Variants in MCF2 observed in about 807,000 individuals in gnomAD.
MCF2 encodes the protein MCF.2 cell line derived transforming sequence.
A neutral mutation model predicts 82.5 loss-of-function variants in MCF2; 44 were observed. That is an observed-to-expected ratio of 0.53 (90% CI 0.42 to 0.69). MCF2 has a LOEUF of 0.69. Ranked by LOEUF, MCF2 falls within the 30% of genes least tolerant of loss-of-function variation. MCF2 has a pLI of 0.00. For missense variants in MCF2, 623 were observed against 663.1 expected (o/e 0.94, Z 0.66); for synonymous variants, 217 against 224.9 (o/e 0.96, Z 0.32).
chrX:139,639,996 T>C (rs1368054794), intron 1 of MCF2, among the ~76,000 whole-genome samples: 1 of 111,065 alleles, frequency 9.0e-6, no homozygotes, highest in African/African-American at 3.3e-5. Flanking sequence ...TGGATATTAT[T>C]CCCTTTTTAC....
At chrX:139,702,418 C>T (rs1353026795) in intron 1 of MCF2, 1 of 111,553 alleles carries the variant, frequency 9.0e-6, no homozygotes, top group African/African-American at 3.3e-5. Context: ...ACTATTGTGT[C>T]CCCATCACCT....
exon 17 of MCF2, chrX:139,598,444 G>A: frequency 1.7e-6 from 2 of 1,168,320 alleles, no homozygotes; most frequent in Non-Finnish European, 2.3e-6. Flanking sequence ...CGTTGCACTG[G>A]TTTGAGTAAA....
At chrX:139,705,839 A>G (rs1226190690) in intron 1 of MCF2, among the ~76,000 whole-genome samples, 1 of 112,517 alleles carries the variant, frequency 8.9e-6, no homozygotes, top group Admixed American at 9.4e-5. Context: ...AATACTCAGA[A>G]TCTATAGGGA....
intron 15 of MCF2, among the ~76,000 whole-genome samples, chrX:139,603,744 A>G (rs1930750896): frequency 9.0e-6 from 1 of 111,360 alleles, no homozygotes; most frequent in South Asian, 3.8e-4. Context: ...CTGAGGCAGG[A>G]GAATGGTGTG....
chrX:139,662,923 C>A (rs1024091649), intron 1 of MCF2, among the ~76,000 whole-genome samples: 19 of 111,733 alleles, frequency 1.7e-4, no homozygotes, highest in African/African-American at 6.2e-4. Flanking sequence ...TGGTTTATTT[C>A]ACTTAAAATA....
At chrX:139,676,434 C>T (rs889811908) in intron 1 of MCF2, among the ~76,000 whole-genome samples, 5 of 111,676 alleles carry the variant, frequency 4.5e-5, no homozygotes, top group African/African-American at 1.3e-4. Context: ...AGACTGGAGC[C>T]GTTCCTATTT....
intron 4 of MCF2, among the ~76,000 whole-genome samples, chrX:139,627,593 G>T (rs1367827444): frequency 9.0e-6 from 1 of 111,679 alleles, no homozygotes; most frequent in Non-Finnish European, 1.9e-5. Context: ...CATTTATTCT[G>T]AGGACAGATT....
intron 6 of MCF2, among the ~76,000 whole-genome samples, chrX:139,625,164 A>G (rs1406967328): frequency 9.0e-6 from 1 of 111,595 alleles, no homozygotes; most frequent in Admixed American, 9.5e-5. Context: ...TAAGACAAAC[A>G]ACAATATTGA....
At chrX:139,631,572 T>C (rs1932930533) in intron 2 of MCF2, 61 bp from the exon 6 acceptor site, 2 of 689,224 alleles carry the variant, frequency 2.9e-6, no homozygotes, top group Non-Finnish European at 4.6e-6. Flanking sequence ...TCCATTAAAC[T>C]GTAAAATGAA....
Position 139,619,581 on chromosome X carries a change from T to C in MCF2, c.807+6A>G. ...AATATAGCAGACATCTAAAATACAA[T>C]CTTACCTGAGAATTTTCATCTAAGT... On this transcript the variant is annotated splice_donor_region_variant and intron_variant, in intron 7 of 24. Coordinates refer to ENST00000370576, the Ensembl canonical transcript of MCF2. 8.8e-7 allele frequency: 1 copy of C among 1,141,755 alleles called. No individual in the cohort carries two copies. The highest frequency in any genetic ancestry group is 3.0e-5 in the East Asian group (1 of 33,163). The allele number at this position is 1,141,755 out of a possible 1,213,427, so 94.1% of individuals were successfully genotyped here.
intron 2 of MCF2, among the ~76,000 whole-genome samples, chrX:139,650,228 C>T (rs1221449823): frequency 9.0e-6 from 1 of 111,464 alleles, no homozygotes; most frequent in Admixed American, 9.5e-5. Context: ...GTGGCACACT[C>T]CTATAGTTCC....
At chrX:139,617,878 AAAAAAC>A (rs974746784) in intron 7 of MCF2, among the ~76,000 whole-genome samples, 174 bp from the exon 11 acceptor site, 1 of 110,634 alleles carries the variant, frequency 9.0e-6, no homozygotes, top group African/African-American at 3.3e-5. Context: ...CAAACAAACA[AAAAAAC>A]AAAAACAAAA....
At chrX:139,696,355 T>C (rs1327144461) in intron 1 of MCF2, among the ~76,000 whole-genome samples, 7 of 99,263 alleles carry the variant, frequency 7.1e-5, no homozygotes, top group Non-Finnish European at 1.2e-4. Flanking sequence ...TCCTCTCCTC[T>C]CCTCTCCTCT....
Position 139,626,207 on chromosome X carries a change from G to A in MCF2, c.673C>T (p.Gln225Ter). The A allele has an allele frequency of 8.5e-7, 1 of 1,181,100 alleles. No homozygotes were observed. The highest frequency in any genetic ancestry group is 1.1e-6 in the Non-Finnish European group (1 of 876,326). The change falls in exon 6 of 25, where the codon CAG becomes TAG. Residue 225 changes from glutamine (Q) to a stop codon, truncating the protein, a stop_gained. Coordinates refer to ENST00000370576, the Ensembl canonical transcript of MCF2. LOFTEE classifies it high-confidence loss of function. ...TTTTAACTGACCTGTTGAAAATCCTGCTCAAACTTCCATAGTTGCAGATAC... is the reference window on the plus strand; with the variant it reads ...TTTTAACTGACCTGTTGAAAATCCTACTCAAACTTCCATAGTTGCAGATAC...
intron 1 of MCF2, among the ~76,000 whole-genome samples, chrX:139,633,704 A>T (rs1243204657): frequency 9.0e-6 from 1 of 111,117 alleles, no homozygotes; most frequent in African/African-American, 3.3e-5. Context: ...TTTGAGCATC[A>T]GAACAACATG....
At chrX:139,649,825 C>G (rs1933932327) in intron 2 of MCF2, among the ~76,000 whole-genome samples, 2 of 111,314 alleles carry the variant, frequency 1.8e-5, no homozygotes, top group Non-Finnish European at 3.8e-5. Flanking sequence ...GCAGCAAGCC[C>G]TGAGGATGGT....
At chrX:139,648,888 C>G (rs900837078) in intron 2 of MCF2, among the ~76,000 whole-genome samples, 3 of 111,810 alleles carry the variant, frequency 2.7e-5, no homozygotes, top group Non-Finnish European at 5.6e-5. Flanking sequence ...AACAGAGCTT[C>G]AAAATACACA....
At chrX:139,633,397 A>C (rs1188853301) in intron 1 of MCF2, among the ~76,000 whole-genome samples, 2 of 112,063 alleles carry the variant, frequency 1.8e-5, no homozygotes, top group African/African-American at 6.5e-5. Flanking sequence ...TATTATCATA[A>C]ATTCTTTTCA....
intron 19 of MCF2, among the ~76,000 whole-genome samples, chrX:139,595,904 A>T (rs1448921579): frequency 9.0e-6 from 1 of 111,124 alleles, no homozygotes; most frequent in East Asian, 2.8e-4. Context: ...ACTTCCCCAA[A>T]CAATACTGTT....
Sources: allele counts gnomAD v4.1 joint callset (sites outside exome capture counted in the v4.1 genomes callset), GRCh38; gene constraint gnomAD v4.1.1; transcripts MANE v1.5; gene names NCBI Gene and HGNC (gene_info 2026-07-23, HGNC 2026-07-21).